The following ANKS1B variants were observed in gnomAD, a reference collection of about 807,000 sequenced individuals.
The protein encoded by ANKS1B is ankyrin repeat and sterile alpha motif domain containing 1B, also known as ankyrin repeat and sterile alpha motif domain-containing protein 1B.
Under a neutral mutation model 148.3 loss-of-function variants are expected in ANKS1B, and 36 were observed. The ratio of observed to expected loss-of-function variants is 0.24; its 90% CI spans 0.19 to 0.32. The LOEUF is 0.32. Among genes scored for constraint, ANKS1B ranks in the 10% least tolerant of loss-of-function variants. The pLI, the probability that ANKS1B is intolerant of heterozygous loss-of-function variation, is 1.00. For missense variants in ANKS1B, 1,157 were observed against 1,542.6 expected, an observed-to-expected ratio of 0.75 and a Z score of 4.19; for synonymous variants, 542 against 560.8, an observed-to-expected ratio of 0.97 and a Z score of 0.47.
intron 17 of ANKS1B, among the ~76,000 whole-genome samples, chr12:98,844,495 T>A (rs117299643): frequency 6.6e-6 from 1 of 152,234 alleles, no homozygotes; most frequent in East Asian, 1.9e-4. Context: ...GGTGGCCTCA[T>A]TGAAAATCAG....
intron 14 of ANKS1B, 48 bp downstream of exon 14, chr12:99,244,294 C>T (rs765828577): frequency 5.4e-6 from 7 of 1,299,756 alleles, no homozygotes; most frequent in East Asian, 4.8e-5. Flanking sequence ...TTTCTCACTA[C>T]TCCTTAAGCA....
intron 9 of ANKS1B, among the ~76,000 whole-genome samples, chr12:99,515,522 G>T (rs2096809070): frequency 6.6e-6 from 1 of 152,050 alleles, no homozygotes; most frequent in African/African-American, 2.4e-5. Context: ...TTTTACGGTT[G>T]AATAGGTACT....
chr12:99,919,437 AAAAT>A (rs1024117534), intron 1 of ANKS1B, among the ~76,000 whole-genome samples: 17 of 152,240 alleles, frequency 1.1e-4, no homozygotes, highest in Non-Finnish European at 2.5e-4. Context: ...ACTTGCAACT[AAAAT>A]AAACAATAAA....
At chr12:99,228,610 C>T (rs2086332333) in intron 14 of ANKS1B, among the ~76,000 whole-genome samples, 2 of 151,798 alleles carry the variant, frequency 1.3e-5, no homozygotes, top group African/African-American at 2.4e-5. Context: ...AACTTTTATC[C>T]ATAAAATTAT....
intron 4 of ANKS1B, among the ~76,000 whole-genome samples, chr12:99,790,358 A>C (rs575060794): frequency 3.9e-5 from 6 of 152,194 alleles, no homozygotes; most frequent in Non-Finnish European, 8.8e-5. Context: ...GTCTTGCAAG[A>C]AATGCTAAAG....
chr12:98,998,377 T>C (rs1375827148), intron 17 of ANKS1B, among the ~76,000 whole-genome samples: 2 of 152,208 alleles, frequency 1.3e-5, no homozygotes. Context: ...ATAAGGTTTC[T>C]AAGAGGAACA....
chr12:99,193,948 C>T (rs908435529), intron 14 of ANKS1B, among the ~76,000 whole-genome samples: 4 of 151,674 alleles, frequency 2.6e-5, no homozygotes, highest in African/African-American at 9.7e-5. Flanking sequence ...ACTATAGGCG[C>T]ATGCCCCCAC....
chr12:99,298,763 G>C (rs1270725372), intron 12 of ANKS1B, among the ~76,000 whole-genome samples: 1 of 152,024 alleles, frequency 6.6e-6, no homozygotes, highest in African/African-American at 2.4e-5. Context: ...TATATACTTA[G>C]GCTATACAAA....
At chr12:99,754,780 A>T (rs752319691) in intron 8 of ANKS1B, among the ~76,000 whole-genome samples, 16 of 152,174 alleles carry the variant, frequency 1.1e-4, no homozygotes, top group Non-Finnish European at 1.8e-4. Flanking sequence ...GGCAGCAATC[A>T]ATAAGTTATT....
At chr12:99,081,809 T>C (rs1312519065) in intron 16 of ANKS1B, among the ~76,000 whole-genome samples, 1 of 152,158 alleles carries the variant, frequency 6.6e-6, no homozygotes, top group Non-Finnish European at 1.5e-5. Context: ...TACAGATATA[T>C]CTTAAAATTG....
intron 12 of ANKS1B, among the ~76,000 whole-genome samples, chr12:99,311,361 G>C (rs2083145181): frequency 6.6e-6 from 1 of 152,112 alleles, no homozygotes; most frequent in Admixed American, 6.6e-5. Flanking sequence ...GAATTAAAGA[G>C]AAAGGGGGAC....
chr12:99,332,402 T>C (rs2087744703), intron 12 of ANKS1B, among the ~76,000 whole-genome samples: 1 of 152,048 alleles, frequency 6.6e-6, no homozygotes, highest in Non-Finnish European at 1.5e-5. Flanking sequence ...ACACAGGCCC[T>C]ATTCTCAAGG....
intron 15 of ANKS1B, among the ~76,000 whole-genome samples, chr12:99,096,022 C>T (rs2055969431): frequency 6.6e-6 from 1 of 152,072 alleles, no homozygotes; most frequent in African/African-American, 2.4e-5. Flanking sequence ...GACAGGTGTC[C>T]AGAGATTGTA....
At chr12:98,921,961 C>T (rs2099801976) in intron 17 of ANKS1B, among the ~76,000 whole-genome samples, 1 of 152,182 alleles carries the variant, frequency 6.6e-6, no homozygotes, top group Admixed American at 6.5e-5. Context: ...ATAGTTTCCT[C>T]CTATAACCTC....
At chr12:98,981,298 C>T (rs748824007) in intron 17 of ANKS1B, among the ~76,000 whole-genome samples, 4 of 151,840 alleles carry the variant, frequency 2.6e-5, no homozygotes, top group Admixed American at 6.6e-5. Context: ...CCACTATGCC[C>T]GGCTATTGTT....
chr12:99,944,418 A>G (rs1289657450), intron 1 of ANKS1B, among the ~76,000 whole-genome samples: 5 of 152,154 alleles, frequency 3.3e-5, no homozygotes, highest in Non-Finnish European at 7.4e-5. Flanking sequence ...GCTGCTCCTC[A>G]GGGTTCCCAT....
chr12:99,509,033 A>T (rs2096738411), intron 9 of ANKS1B, among the ~76,000 whole-genome samples: 1 of 151,902 alleles, frequency 6.6e-6, no homozygotes, highest in Admixed American at 6.6e-5. Flanking sequence ...GCCATCTGTG[A>T]TCAGTGAGCT....
chr12:99,515,399 G>C (rs2096807292), intron 9 of ANKS1B, among the ~76,000 whole-genome samples: 1 of 151,970 alleles, frequency 6.6e-6, no homozygotes. Context: ...TTGACATTTA[G>C]ATTCCACAAA....
intron 15 of ANKS1B, chr12:99,093,276 C>T (rs1301314902): frequency 1.3e-5 from 2 of 152,160 alleles, no homozygotes; most frequent in African/African-American, 2.4e-5. Context: ...TAGTGTATTC[C>T]AGAACCAAAC....
Sources: gnomAD v4.1 joint callset for allele counts (sites outside exome capture counted in the v4.1 genomes callset) on GRCh38, gnomAD v4.1.1 for gene constraint, MANE v1.5 for transcripts, NCBI Gene and HGNC (gene_info 2026-07-23, HGNC 2026-07-21) for gene names.